Variants in RNF130 observed in about 807,000 individuals in gnomAD.
RNF130 encodes ring finger protein 130.
In RNF130, 21 loss-of-function variants were observed where a neutral mutation model predicts 44.6. That is an observed-to-expected ratio of 0.47 (90% CI 0.33 to 0.68). RNF130 has a LOEUF of 0.68. Among genes scored for constraint, RNF130 ranks in the 30% least tolerant of loss-of-function variants. The pLI is 0.02. For synonymous variants in RNF130, 214 were observed against 210.4 expected (o/e 1.02, Z -0.15); for missense variants, 479 against 560.6 (o/e 0.85, Z 1.47).
At chr5:180,040,356 T>C in intron 2 of RNF130, 97 bp downstream of exon 2, 1 of 1,145,662 alleles carries the variant, frequency 8.7e-7, no homozygotes, top group Non-Finnish European at 1.3e-6. Flanking sequence ...AGGATTATGT[T>C]GGAAATTACA....
intron 1 of RNF130, among the ~76,000 whole-genome samples, chr5:180,067,779 G>T (rs1008150923): frequency 6.6e-6 from 1 of 152,070 alleles, no homozygotes; most frequent in Non-Finnish European, 1.5e-5. Flanking sequence ...TTTGAAATCT[G>T]TGTCCAATAG....
intron 6 of RNF130, among the ~76,000 whole-genome samples, chr5:179,968,011 A>G (rs1431812740): frequency 6.6e-6 from 1 of 152,208 alleles, no homozygotes; most frequent in Non-Finnish European, 1.5e-5. Context: ...TACTTAACAA[A>G]CAGGCTGGGC....
At chr5:179,984,993 C>T (rs1451199576) in intron 3 of RNF130, among the ~76,000 whole-genome samples, 1 of 151,986 alleles carries the variant, frequency 6.6e-6, no homozygotes, top group Non-Finnish European at 1.5e-5. Context: ...GGTACTCAAC[C>T]TATAGTTTGT....
chr5:180,057,282 C>T (rs139384277), intron 1 of RNF130, among the ~76,000 whole-genome samples: 1 of 152,246 alleles, frequency 6.6e-6, no homozygotes, highest in Non-Finnish European at 1.5e-5. Flanking sequence ...GGCACAGTGG[C>T]TCACGCCTGT....
chr5:179,915,312 G>A (rs1447957479), exon 8 of RNF130: 1 of 152,378 alleles, frequency 6.6e-6, no homozygotes, highest in East Asian at 1.9e-4. Flanking sequence ...CTGGGCGACA[G>A]AGTGACACCC....
At chr5:179,933,669 G>A (rs1249240919) in intron 7 of RNF130, 4 of 302,572 alleles carry the variant, frequency 1.3e-5, no homozygotes, top group South Asian at 1.3e-4. Flanking sequence ...CCACAGTCAC[G>A]CTCCACCATG....
intron 5 of RNF130, among the ~76,000 whole-genome samples, chr5:179,973,127 A>G (rs1424847406): frequency 6.6e-6 from 1 of 152,056 alleles, no homozygotes; most frequent in African/African-American, 2.4e-5. Context: ...CCTACCTCTG[A>G]GCACTGAACA....
intron 2 of RNF130, among the ~76,000 whole-genome samples, chr5:180,020,315 C>T (rs941331194): frequency 2.6e-5 from 4 of 152,134 alleles, no homozygotes; most frequent in South Asian, 2.1e-4. Flanking sequence ...CGGGGAAGCA[C>T]GTGACTACGG....
chr5:179,960,674 T>TA (rs1762306830), intron 8 of RNF130, among the ~76,000 whole-genome samples: 1 of 152,170 alleles, frequency 6.6e-6, no homozygotes, highest in Admixed American at 6.5e-5. Context: ...GAACAGTGAC[T>TA]AGTAACACTG....
At chr5:179,981,333 T>C (rs1762832416) in intron 3 of RNF130, among the ~76,000 whole-genome samples, 1 of 152,054 alleles carries the variant, frequency 6.6e-6, no homozygotes, top group South Asian at 2.1e-4. Flanking sequence ...ATCCAGGCCT[T>C]ACACTGTGGG....
In RNF130 at chr5:180,033,006, G is replaced by A. The variant is rs138841723; in HGVS notation, c.442+7447C>T. On this transcript the variant is annotated intron_variant, in intron 2 of 8. Transcript: ENST00000521389. Reference sequence around the variant, plus strand: ...TTTTTTTTTTTTGAGACAGGGTCTCGCTCTGTTGCCCGGCGAGAATGCAGC... The same window carrying A: ...TTTTTTTTTTTTGAGACAGGGTCTCACTCTGTTGCCCGGCGAGAATGCAGC... 5.8e-3 allele frequency among the ~76,000 whole-genome samples: 881 copies of A among 151,066 alleles called. 9 individuals are homozygous for A. The highest frequency in any genetic ancestry group is 0.02 in the African/African-American group (809 of 41,094).
exon 8 of RNF130, chr5:179,916,735 A>G (rs1761551691): frequency 6.6e-6 from 1 of 152,368 alleles, no homozygotes; most frequent in Non-Finnish European, 1.5e-5. Context: ...TTGTCTTCCC[A>G]AGAGGAGGGC....
intron 7 of RNF130, among the ~76,000 whole-genome samples, chr5:179,923,411 T>C (rs1761661797): frequency 6.6e-6 from 1 of 152,272 alleles, no homozygotes; most frequent in Non-Finnish European, 1.5e-5. Flanking sequence ...TCTGTCTTTA[T>C]GCTGTTAAAT....
intron 5 of RNF130, 130 bp from the exon 6 acceptor site, chr5:179,970,636 A>G: frequency 1.5e-6 from 1 of 670,404 alleles, no homozygotes; most frequent in Non-Finnish European, 2.6e-6. Flanking sequence ...GCCCCAAGAG[A>G]CAAATATTGG....
chr5:179,975,300 C>T (rs1762693753), intron 5 of RNF130, among the ~76,000 whole-genome samples: 1 of 152,214 alleles, frequency 6.6e-6, no homozygotes, highest in African/African-American at 2.4e-5. Context: ...CGCGCACAGC[C>T]ATCCTCAGCT....
At chr5:180,062,161 TCTC>T (rs1157559105) in intron 1 of RNF130, among the ~76,000 whole-genome samples, 1 of 151,262 alleles carries the variant, frequency 6.6e-6, no homozygotes, top group Non-Finnish European at 1.5e-5. Flanking sequence ...TTCAAGCAAT[TCTC>T]CTGCCTCAGC....
At chr5:180,040,391 T>C in intron 2 of RNF130, 62 bp downstream of exon 2, 1 of 1,467,730 alleles carries the variant, frequency 6.8e-7, no homozygotes. Flanking sequence ...GCAGAATGCT[T>C]ACCTATAAAG....
chr5:180,044,828 T>C (rs1764519578), intron 1 of RNF130, among the ~76,000 whole-genome samples: 1 of 149,646 alleles, frequency 6.7e-6, no homozygotes, highest in South Asian at 2.1e-4. Context: ...GTAGACTCCG[T>C]CTCAAAAAAA....
chr5:179,973,799 G>A lies in RNF130; in HGVS notation c.849-3293C>T, dbSNP rs556450980. Among the ~76,000 whole-genome samples, 3 of 152,290 alleles carry A rather than the reference G, an allele frequency of 2.0e-5. No individual in the cohort carries two copies. The East Asian group carries it at 5.8e-4, about 29-fold the overall frequency. On this transcript the variant is annotated intron_variant, in intron 5 of 8. Transcript: ENST00000521389. ...TAAAAAACAGGCCCGCCACACACAG[G>A]GTGGGTGGTGCATCGGGACGGAAAG...
Sources: gnomAD v4.1 joint callset for allele counts (sites outside exome capture counted in the v4.1 genomes callset) on GRCh38, gnomAD v4.1.1 for gene constraint, MANE v1.5 for transcripts, NCBI Gene and HGNC (gene_info 2026-07-23, HGNC 2026-07-21) for gene names.